The following FCHO2 variants were observed in gnomAD, a reference collection of about 807,000 sequenced individuals.
FCHO2 encodes the protein FCH and mu domain containing endocytic adaptor 2.
In FCHO2, 43 loss-of-function variants were observed where a neutral mutation model predicts 114.1. That is an observed-to-expected ratio of 0.38 (90% CI 0.30 to 0.49). The LOEUF (loss-of-function observed/expected upper bound fraction) is 0.49. Among genes scored for constraint, FCHO2 ranks in the 20% least tolerant of loss-of-function variants. The pLI is 0.97. For missense variants in FCHO2, 807 were observed against 950.4 expected (o/e 0.85, Z 1.98); for synonymous variants, 293 against 315.2 (o/e 0.93, Z 0.75).
chr5:73,024,731 G>A (rs552557741), intron 8 of FCHO2, among the ~76,000 whole-genome samples: 65 of 152,078 alleles, frequency 4.3e-4, no homozygotes, highest in African/African-American at 1.5e-3. Context: ...GCCACCGCCC[G>A]CGGCCTAGCA....
intron 5 of FCHO2, among the ~76,000 whole-genome samples, chr5:73,002,743 T>A (rs1285966185): frequency 6.6e-6 from 1 of 152,254 alleles, no homozygotes; most frequent in African/African-American, 2.4e-5. Flanking sequence ...GAACTATGAA[T>A]GTTTTTAAGG....
In FCHO2 at chr5:72,990,955, T is replaced by G; in HGVS notation, c.495+91T>G. On this transcript the variant is annotated intron_variant, in intron 5 of 25. Transcript: ENST00000430046. ...CATTTAGATCAAACTGAAAATTATC[T>G]CATTTTAAAGATGAAGACACTGTGC... 5.0e-6 allele frequency: 7 copies of G among 1,389,674 alleles called. No individual in the cohort carries two copies. The South Asian group carries it at 1.1e-4, about 22-fold the overall frequency. 86.1% of individuals were successfully genotyped at this position (1,389,674 alleles called of 1,614,324 possible).
At position 73,081,875 on chromosome 5, in the gene FCHO2, A is replaced by G. The variant is rs148409993; in HGVS notation, c.2073A>G (p.Lys691=). Residue 691 remains lysine, a synonymous_variant, in exon 23 of 26, where the codon AAA becomes AAG. Transcript: ENST00000430046. The part of the protein sequence containing the change: ...ASTTDLRVDY[K]YNPEAMVAPS... ...CCACAGATCTTAGAGTGGATTATAA[A>G]TACAATCCAGAAGCTATGGTGGCAC... is the stretch of plus-strand genomic sequence containing the variant. The G allele has an allele frequency of 4.0e-4, 647 of 1,612,846 alleles. 11 individuals are homozygous for G. In the East Asian group the frequency reaches 0.014, roughly 35 times the overall value.
rs1743424513 is a variant in FCHO2, at chr5:73,089,658, G to C, written c.*1568G>C. ...AGTGTCCTTTATTTGCCTAGTAGAA[G>C]TGATAAATTGTGTTATATATGATAA... On this transcript the variant is annotated 3_prime_UTR_variant, in exon 26 of 26. Transcript: ENST00000430046. 6.6e-6 allele frequency: 1 copy of C among 152,416 alleles called. No homozygotes were observed. The highest frequency in any genetic ancestry group is 2.1e-4 in the South Asian group (1 of 4,834). The allele number at this position is 152,416 out of a possible 1,614,324, so 9.4% of individuals were successfully genotyped here. A position where few individuals can be genotyped will look rare whatever the true frequency, so the allele number is the denominator to read the frequency against.
Position 73,020,612 on chromosome 5 carries a change from G to T in FCHO2, c.796+3304G>T, listed in dbSNP as rs1278351638. 5 of 731,658 alleles carry T rather than the reference G, an allele frequency of 6.8e-6. No individual in the cohort carries two copies. In the Admixed American group the frequency reaches 1.0e-4, roughly 15 times the overall value. The allele number at this position is 731,658 out of a possible 1,614,324, so 45.3% of individuals were successfully genotyped here. A position where few individuals can be genotyped will look rare whatever the true frequency, so the allele number is the denominator to read the frequency against. ...TACTTTGGGAGAAGGGGAATGATGGGTTGGAGGTGGGGTTGGTAGAAGGAG... is the reference window on the plus strand; with the variant it reads ...TACTTTGGGAGAAGGGGAATGATGGTTTGGAGGTGGGGTTGGTAGAAGGAG... On this transcript the variant is annotated intron_variant, in intron 8 of 25. Transcript: ENST00000430046.
intron 5 of FCHO2, among the ~76,000 whole-genome samples, chr5:72,998,193 CT>C (rs1330104480): frequency 6.6e-6 from 1 of 151,972 alleles, no homozygotes; most frequent in Admixed American, 6.6e-5. Context: ...AAAATAATTA[CT>C]TTAAAAAATG....
At chr5:73,088,018 T>TA (rs775235956) in intron 25 of FCHO2, 50 bp from the exon 26 acceptor site, 5 of 1,609,000 alleles carry the variant, frequency 3.1e-6, no homozygotes, top group Non-Finnish European at 4.2e-6. Context: ...AAAATGTCCT[T>TA]AGAGTGCATT....
chr5:73,041,362 C>T (rs769544555), intron 11 of FCHO2, 47 bp downstream of exon 11: 21 of 1,204,770 alleles, frequency 1.7e-5, no homozygotes, highest in Non-Finnish European at 2.3e-5. Flanking sequence ...TAGTTATTTT[C>T]ATTAGGACAA....
chr5:73,030,010 G>T (rs897412933), intron 8 of FCHO2, among the ~76,000 whole-genome samples: 5 of 150,152 alleles, frequency 3.3e-5, no homozygotes, highest in Non-Finnish European at 5.9e-5. Context: ...CTTTTTTTAT[G>T]TACAGAAATT....
Position 73,068,742 on chromosome 5 carries a change from A to G in FCHO2, c.1542A>G (p.Ser514=). Residue 514 remains serine (S), a synonymous_variant, in exon 19 of 26, where the codon TCA becomes TCG. Transcript: ENST00000430046. ...ARAESSSSIS[S]SASLSAANTP... ...CAGAAAGTTCTTCTTCTATCTCATCATCTGCTTCATTGAGTGCTGCCAATA... is the reference window on the plus strand; with the variant it reads ...CAGAAAGTTCTTCTTCTATCTCATCGTCTGCTTCATTGAGTGCTGCCAATA... The G allele has an allele frequency of 6.2e-7, 1 of 1,612,344 alleles. No homozygotes were observed. The highest frequency in any genetic ancestry group is 8.5e-7 in the Non-Finnish European group (1 of 1,178,922).
chr5:73,006,496 A>C lies in FCHO2; in HGVS notation c.547A>C (p.Lys183Gln). Residue 183 changes from lysine (K) to glutamine (Q), a missense_variant, in exon 6 of 26, where the codon AAA becomes CAA. Coordinates refer to ENST00000430046, the MANE Select transcript of FCHO2 (RefSeq NM_138782.3). ...AGATACCTATAAACTCTATGTGGAAAAATATGCATTAGCAAAAGCTGATTT... is the reference window on the plus strand; with the variant it reads ...AGATACCTATAAACTCTATGTGGAACAATATGCATTAGCAAAAGCTGATTT... ...ATDTYKLYVE[K>Q]YALAKADFEQ... 6.3e-7 allele frequency: 1 copy of C among 1,579,736 alleles called. No homozygotes were observed. The highest frequency in any genetic ancestry group is 8.6e-7 in the Non-Finnish European group (1 of 1,166,580).
At chr5:72,980,745 A>T (rs1424508621) in intron 2 of FCHO2, among the ~76,000 whole-genome samples, 1 of 152,096 alleles carries the variant, frequency 6.6e-6, no homozygotes, top group Non-Finnish European at 1.5e-5. Flanking sequence ...AGTCTGTTTT[A>T]TCGAAGACTA....
intron 8 of FCHO2, among the ~76,000 whole-genome samples, chr5:73,025,867 A>G (rs1755888899): frequency 6.6e-6 from 1 of 152,168 alleles, no homozygotes; most frequent in South Asian, 2.1e-4. Context: ...GTTTTATACT[A>G]TTGATTTCTG....
At chr5:73,016,820 C>T (rs1362724113) in intron 7 of FCHO2, among the ~76,000 whole-genome samples, 1 of 152,012 alleles carries the variant, frequency 6.6e-6, no homozygotes, top group Non-Finnish European at 1.5e-5. Context: ...TCACTTGAGT[C>T]CAGGAGGTTG....
intron 9 of FCHO2, among the ~76,000 whole-genome samples, chr5:73,035,748 C>T (rs970191117): frequency 5.3e-5 from 8 of 151,980 alleles, no homozygotes; most frequent in Non-Finnish European, 1.0e-4. Context: ...AGTGATCCAT[C>T]CACCTTAGCC....
chr5:73,042,156 A>G (rs945092004), intron 11 of FCHO2, among the ~76,000 whole-genome samples: 3 of 152,192 alleles, frequency 2.0e-5, no homozygotes, highest in African/African-American at 4.8e-5. Context: ...TTAAAATACA[A>G]TTATGATTTG....
At chr5:73,014,396 C>G (rs1185952814) in intron 6 of FCHO2, among the ~76,000 whole-genome samples, 2 of 150,122 alleles carry the variant, frequency 1.3e-5, no homozygotes, top group African/African-American at 4.9e-5. Flanking sequence ...TCAAGCGATT[C>G]TCCTGCCTCA....
chr5:73,049,712 G>C (rs1757252725), intron 11 of FCHO2, among the ~76,000 whole-genome samples: 1 of 152,102 alleles, frequency 6.6e-6, no homozygotes, highest in South Asian at 2.1e-4. Context: ...ACCCCTTCTT[G>C]AAGCTGTTAA....
chr5:72,987,409 C>T (rs1753587266), intron 2 of FCHO2, among the ~76,000 whole-genome samples: 1 of 152,166 alleles, frequency 6.6e-6, no homozygotes, highest in Admixed American at 6.6e-5. Context: ...ATGATCTTGG[C>T]TCACTGCAGC....
Sources: allele counts gnomAD v4.1 joint callset (sites outside exome capture counted in the v4.1 genomes callset), GRCh38; gene constraint gnomAD v4.1.1; transcripts MANE v1.5; gene names NCBI Gene and HGNC (gene_info 2026-07-23, HGNC 2026-07-21).